Variants in CSMD1 observed in about 807,000 individuals in gnomAD.
CSMD1 encodes the protein CUB and sushi domain-containing protein 1.
In CSMD1, 213 loss-of-function variants were observed where a neutral mutation model predicts 417.5. The observed-to-expected ratio is 0.51, with a 90% CI of 0.46 to 0.57. The LOEUF is 0.57. CSMD1 is among the 20% of genes least tolerant of loss of function. The pLI is 0.00. For synonymous variants in CSMD1, 2,862 were observed against 1,736.8 expected (o/e 1.65, Z -16.11); for missense variants, 6,923 against 4,529.7 (o/e 1.53, Z -15.17).
chr8:3,238,331 G>A, intron 26 of CSMD1, among the ~76,000 whole-genome samples: 1 of 152,096 alleles, frequency 6.6e-6, no homozygotes, highest in Non-Finnish European at 1.5e-5. Context: ...AGTTAAGGCA[G>A]GAACTGGCCA....
rs1812157 is a variant in CSMD1 at position 3,701,008 on chromosome 8, C to G, written c.1009+7406G>C. The stretch of plus-strand genomic sequence containing the variant: ...AGGGGCGACGGTGGTTTGGGGGTAA[C>G]GAGAAAGGCTTGGGATATGTCGGGG... On this transcript the variant is annotated intron_variant, in intron 7 of 69. Transcript: ENST00000635120. Among the ~76,000 whole-genome samples, 976 of 150,476 alleles carry G rather than the reference C, an allele frequency of 6.5e-3. 14 individuals are homozygous for G. The highest frequency in any genetic ancestry group is 0.022 in the African/African-American group (913 of 40,800).
intron 54 of CSMD1, 125 bp from the exon 55 acceptor site, chr8:2,978,925 G>C: frequency 1.2e-6 from 1 of 801,918 alleles, no homozygotes; most frequent in Non-Finnish European, 1.9e-6. Context: ...TGATGGCTGA[G>C]GCTCATGAAA....
intron 26 of CSMD1, among the ~76,000 whole-genome samples, chr8:3,266,632 A>C (rs1007827987): frequency 1.5e-5 from 2 of 132,468 alleles, no homozygotes; most frequent in African/African-American, 5.5e-5. Context: ...AAAAAAAGCC[A>C]GGCATGGTGG....
chr8:4,466,009 G>C (rs753006346), intron 2 of CSMD1, among the ~76,000 whole-genome samples: 1 of 152,182 alleles, frequency 6.6e-6, no homozygotes, highest in Non-Finnish European at 1.5e-5. Flanking sequence ...TTAAAGATGT[G>C]CAATCACATT....
At chr8:4,759,595 T>G (rs1313825462) in intron 1 of CSMD1, among the ~76,000 whole-genome samples, 1 of 152,074 alleles carries the variant, frequency 6.6e-6, no homozygotes, top group African/African-American at 2.4e-5. Flanking sequence ...TCCCCATGTG[T>G]GTTGTTCCCC....
chr8:3,399,498 G>T lies in CSMD1; in HGVS notation c.2298C>A (p.Ser766Arg). Residue 766 changes from serine to arginine, a missense_variant, in exon 16 of 70, where the codon AGC becomes AGA. Ser to Arg is a moderately radical substitution (Grantham distance 110). Coordinates refer to ENST00000635120, the MANE Select transcript of CSMD1 (RefSeq NM_033225.6). ...APCGGHLTAS[S>R]GVILPPGWPG... Reference sequence around the variant, plus strand: ...GCCATCCAGGAGGCAAAATGACTCCGCTGGACGCTGTCAGATGTCCACCAC... The same window carrying T: ...GCCATCCAGGAGGCAAAATGACTCCTCTGGACGCTGTCAGATGTCCACCAC... The T allele has an allele frequency of 6.2e-7, 1 of 1,604,530 alleles. No individual in the cohort carries two copies. The highest frequency in any genetic ancestry group is 1.1e-5 in the South Asian group (1 of 88,406).
chr8:4,091,381 A>T (rs1800712792), intron 3 of CSMD1, among the ~76,000 whole-genome samples: 1 of 152,210 alleles, frequency 6.6e-6, no homozygotes, highest in African/African-American at 2.4e-5. Flanking sequence ...AATAAATATA[A>T]AACAAATGAA....
chr8:3,940,308 T>C (rs763980902), intron 5 of CSMD1, among the ~76,000 whole-genome samples: 1 of 152,088 alleles, frequency 6.6e-6, no homozygotes, highest in Non-Finnish European at 1.5e-5. Context: ...AATTTATATA[T>C]ACACTTAATA....
chr8:3,753,894 G>GTTTTTTT, intron 6 of CSMD1, 36 bp downstream of exon 6: 1 of 1,120,688 alleles, frequency 8.9e-7, no homozygotes, highest in Middle Eastern at 2.2e-4. Context: ...ATTACGCTCT[G>GTTTTTTT]TTTTTTTTTT....
chr8:4,166,221 A>C (rs75803284), intron 3 of CSMD1, among the ~76,000 whole-genome samples: 1,540 of 152,328 alleles, frequency 0.01, 28 homozygotes, highest in African/African-American at 0.035. Context: ...TATTTCATTT[A>C]ACCCAATATA....
In CSMD1 at chr8:3,694,633, G is replaced by C. The variant is rs187275165; in HGVS notation, c.1009+13781C>G. On this transcript the variant is annotated intron_variant, in intron 7 of 69. Coordinates refer to ENST00000635120, the MANE Select transcript of CSMD1 (RefSeq NM_033225.6). ...AAGGACCCAGCCCTGGGCATGAGAG[G>C]GAGGCTGGGTGGGTGGACACAGCAG... Among the ~76,000 whole-genome samples, 4 of 152,132 alleles carry C rather than the reference G, an allele frequency of 2.6e-5. No homozygotes were observed. The East Asian group carries it at 7.8e-4, about 30-fold the overall frequency.
chr8:3,612,795 G>C (rs747567219), intron 8 of CSMD1, among the ~76,000 whole-genome samples: 1 of 152,024 alleles, frequency 6.6e-6, no homozygotes, highest in Non-Finnish European at 1.5e-5. Flanking sequence ...GAGGAAAATT[G>C]ATAGCAGTAA....
At chr8:4,162,306 A>G (rs1584936546) in intron 3 of CSMD1, among the ~76,000 whole-genome samples, 2 of 152,224 alleles carry the variant, frequency 1.3e-5, no homozygotes, top group East Asian at 3.9e-4. Context: ...AAACTCAGCA[A>G]AGTTTAATGG....
intron 5 of CSMD1, among the ~76,000 whole-genome samples, chr8:3,847,919 G>A (rs1247906903): frequency 1.3e-5 from 2 of 151,958 alleles, no homozygotes; most frequent in African/African-American, 4.8e-5. Context: ...TATAAATAAA[G>A]GTAAGTGCAT....
intron 25 of CSMD1, among the ~76,000 whole-genome samples, chr8:3,286,448 G>C (rs140124539): frequency 6.6e-6 from 1 of 152,028 alleles, no homozygotes; most frequent in African/African-American, 2.4e-5. Context: ...CACCAAGAGT[G>C]TGAAAGTGTT....
chr8:2,998,049 C>T lies in CSMD1; in HGVS notation c.8339G>A (p.Ser2780Asn), dbSNP rs753560203. The change falls in exon 54 of 70, where the codon AGC becomes AAC. Residue 2780 changes from serine to asparagine, a missense_variant. Transcript: ENST00000635120. ...CAGAGGGCTACTCCACTGGCCGTTG[C>T]TCCGACACTGGGCTCGAGACACGCC... Reference protein sequence around the residue: ...LQGVSRAQCRSNGQWSSPLPT... With the variant: ...LQGVSRAQCRNNGQWSSPLPT... The T allele has an allele frequency of 2.5e-6, 4 of 1,613,970 alleles. No individual in the cohort carries two copies. The South Asian group carries it at 3.3e-5, about 13-fold the overall frequency.
At chr8:3,892,991 A>G (rs1807088434) in intron 5 of CSMD1, among the ~76,000 whole-genome samples, 1 of 151,978 alleles carries the variant, frequency 6.6e-6, no homozygotes, top group Non-Finnish European at 1.5e-5. Flanking sequence ...TGACATAACA[A>G]TCATGGTTCA....
At chr8:4,426,004 C>T (rs532554067) in intron 2 of CSMD1, among the ~76,000 whole-genome samples, 1 of 151,412 alleles carries the variant, frequency 6.6e-6, no homozygotes, top group African/African-American at 2.4e-5. Flanking sequence ...ATACATTAAA[C>T]ATTTTAAAAT....
At chr8:4,786,103 C>CA (rs35255696) in intron 1 of CSMD1, among the ~76,000 whole-genome samples, 24,490 of 151,560 alleles carry the variant, frequency 0.16, 2,321 homozygotes, top group Admixed American at 0.23. Flanking sequence ...TGTGTAAGAC[C>CA]AAAAAAAATA....
Sources: allele counts gnomAD v4.1 joint callset (sites outside exome capture counted in the v4.1 genomes callset), GRCh38; gene constraint gnomAD v4.1.1; transcripts MANE v1.5; gene names NCBI Gene and HGNC (gene_info 2026-07-23, HGNC 2026-07-21).